The following CELF4 variants were observed in gnomAD, a reference collection of about 807,000 sequenced individuals.
CELF4 encodes CUGBP Elav-like family member 4.
In CELF4, 18 loss-of-function variants were observed where a neutral mutation model predicts 59.9. The ratio of observed to expected loss-of-function variants is 0.30; its 90% confidence interval spans 0.21 to 0.45. The LOEUF is 0.45. Ranked by LOEUF, CELF4 falls within the 20% of genes least tolerant of loss-of-function variation. The pLI, the probability that CELF4 is intolerant of heterozygous loss-of-function variation, is 1.00. For synonymous variants in CELF4, 261 were observed against 267.1 expected (o/e 0.98, Z 0.22); for missense variants, 456 against 689.0 (o/e 0.66, Z 3.79).
intron 2 of CELF4, among the ~76,000 whole-genome samples, chr18:37,337,324 C>T (rs1199713874): frequency 6.6e-6 from 1 of 152,200 alleles, no homozygotes. Flanking sequence ...TTCTCCCCAT[C>T]TTCAGAGCCA....
chr18:37,446,790 G>C (rs1381728182), intron 2 of CELF4, among the ~76,000 whole-genome samples: 1 of 152,084 alleles, frequency 6.6e-6, no homozygotes, highest in Non-Finnish European at 1.5e-5. Context: ...TCAGGTGTCA[G>C]GAGCCACTCA....
chr18:37,423,081 C>CAG (rs1476223509), intron 2 of CELF4, among the ~76,000 whole-genome samples: 2 of 137,846 alleles, frequency 1.5e-5, no homozygotes, highest in Non-Finnish European at 3.2e-5. Context: ...CACACACACA[C>CAG]AGAGACAGAG....
At chr18:37,554,197 T>G (rs1194955424) in intron 1 of CELF4, among the ~76,000 whole-genome samples, 1 of 152,072 alleles carries the variant, frequency 6.6e-6, no homozygotes, top group Non-Finnish European at 1.5e-5. Context: ...CTGGGAACTG[T>G]CTGGGGCAGC....
intron 1 of CELF4, among the ~76,000 whole-genome samples, chr18:37,501,766 G>A (rs907029566): frequency 2.6e-5 from 4 of 152,242 alleles, no homozygotes; most frequent in African/African-American, 9.6e-5. Flanking sequence ...GAGTGAACAA[G>A]TTATGTGTGG....
At chr18:37,332,076 C>T (rs528644474) in intron 2 of CELF4, among the ~76,000 whole-genome samples, 13 of 152,240 alleles carry the variant, frequency 8.5e-5, no homozygotes, top group South Asian at 2.1e-4. Flanking sequence ...ACCAAGCAAA[C>T]GTTTGTTCAG....
intron 2 of CELF4, among the ~76,000 whole-genome samples, chr18:37,368,317 C>G (rs370816730): frequency 6.6e-6 from 1 of 152,132 alleles, no homozygotes; most frequent in Non-Finnish European, 1.5e-5. Context: ...CCTCCCTGCC[C>G]GTCTCCCTAC....
intron 2 of CELF4, among the ~76,000 whole-genome samples, chr18:37,450,698 C>T (rs904108152): frequency 2.6e-5 from 4 of 152,064 alleles, no homozygotes; most frequent in African/African-American, 9.7e-5. Context: ...ACGGGGCACC[C>T]GCCTCACCTC....
chr18:37,288,959 G>A (rs1257078231), intron 3 of CELF4, among the ~76,000 whole-genome samples: 1 of 152,160 alleles, frequency 6.6e-6, no homozygotes, highest in Admixed American at 6.5e-5. Flanking sequence ...AGAATTTTCT[G>A]TCTCAGAAAC....
At chr18:37,452,707 C>T (rs1449451807) in intron 2 of CELF4, among the ~76,000 whole-genome samples, 1 of 152,158 alleles carries the variant, frequency 6.6e-6, no homozygotes, top group Admixed American at 6.5e-5. Flanking sequence ...GTAGGCTTTC[C>T]ATACATATTT....
At chr18:37,495,188 G>A (rs1603642639) in intron 1 of CELF4, among the ~76,000 whole-genome samples, 1 of 152,310 alleles carries the variant, frequency 6.6e-6, no homozygotes, top group South Asian at 2.1e-4. Flanking sequence ...CTTAGACCAG[G>A]GTGAGAAGCC....
chr18:37,516,823 C>T (rs1031422319), intron 1 of CELF4, among the ~76,000 whole-genome samples: 2 of 152,192 alleles, frequency 1.3e-5, no homozygotes, highest in African/African-American at 2.4e-5. Flanking sequence ...TGGCTCCCAA[C>T]AACTGCGCTC....
intron 1 of CELF4, among the ~76,000 whole-genome samples, chr18:37,546,754 T>C (rs191790090): frequency 2.8e-4 from 43 of 152,262 alleles, no homozygotes; most frequent in East Asian, 1.4e-3. Flanking sequence ...ACAAAACCCA[T>C]GTCTACAACA....
chr18:37,438,906 G>T (rs571647672), intron 2 of CELF4, among the ~76,000 whole-genome samples: 1 of 152,146 alleles, frequency 6.6e-6, no homozygotes, highest in Admixed American at 6.5e-5. Context: ...TTAGGATTAG[G>T]TAAGTGTTTT....
chr18:37,365,481 A>ATTTTTTTTTT (rs10670336), intron 2 of CELF4, among the ~76,000 whole-genome samples: 3 of 97,760 alleles, frequency 3.1e-5, no homozygotes, highest in Non-Finnish European at 5.6e-5. Context: ...GGATGGGGCA[A>ATTTTTTTTTT]TTTTTTTTTT....
intron 3 of CELF4, among the ~76,000 whole-genome samples, chr18:37,303,273 C>G (rs1370407780): frequency 6.6e-6 from 1 of 152,118 alleles, no homozygotes; most frequent in African/African-American, 2.4e-5. Context: ...CCTACCCAGG[C>G]CCCCTGCAAA....
intron 2 of CELF4, among the ~76,000 whole-genome samples, chr18:37,369,873 T>C (rs1456555373): frequency 6.6e-6 from 1 of 152,260 alleles, no homozygotes; most frequent in Non-Finnish European, 1.5e-5. Context: ...CCAGGAAATG[T>C]GCCCATGCAC....
At chr18:37,545,257 C>G (rs908761774) in intron 1 of CELF4, among the ~76,000 whole-genome samples, 1 of 152,164 alleles carries the variant, frequency 6.6e-6, no homozygotes, top group Non-Finnish European at 1.5e-5. Flanking sequence ...TCCAGATGAG[C>G]GAATGGGTAA....
chr18:37,559,928 G>A (rs1423000745), intron 1 of CELF4, among the ~76,000 whole-genome samples: 1 of 152,142 alleles, frequency 6.6e-6, no homozygotes, highest in East Asian at 1.9e-4. Flanking sequence ...GTGTGTAGGG[G>A]GCATAGTGAT....
At chr18:37,494,813 G>A (rs1461255594) in intron 1 of CELF4, among the ~76,000 whole-genome samples, 1 of 152,146 alleles carries the variant, frequency 6.6e-6, no homozygotes, top group Non-Finnish European at 1.5e-5. Context: ...CATGCTCAGG[G>A]AGACACGAGG....
Sources: allele counts gnomAD v4.1 joint callset (sites outside exome capture counted in the v4.1 genomes callset), GRCh38; gene constraint gnomAD v4.1.1; transcripts MANE v1.5; gene names NCBI Gene and HGNC (gene_info 2026-07-23, HGNC 2026-07-21).